RBFOX2: variants seen among roughly 807,000 people sequenced by gnomAD.
RBFOX2 encodes RNA binding fox-1 homolog 2, also known as RNA binding protein fox-1 homolog 2.
RBFOX2 carries 10 observed loss-of-function variants against 49.1 expected under a neutral mutation model. That is an observed-to-expected ratio of 0.20 (90% CI 0.13 to 0.35). The LOEUF is 0.35. Among genes scored for constraint, RBFOX2 ranks in the 10% least tolerant of loss-of-function variants. The probability of loss-of-function intolerance (pLI) is 1.00; values close to 1 mark genes in which losing one functional copy is unlikely to be tolerated. For missense variants in RBFOX2, 323 were observed against 486.9 expected (o/e 0.66, Z 3.17); for synonymous variants, 183 against 187.4 (o/e 0.98, Z 0.19).
chr22:35,876,426 C>T (rs947699527), intron 1 of RBFOX2, among the ~76,000 whole-genome samples: 2 of 151,384 alleles, frequency 1.3e-5, no homozygotes, highest in East Asian at 1.9e-4. Context: ...AAGACTATAC[C>T]GAGAAAAGGG....
intron 1 of RBFOX2, among the ~76,000 whole-genome samples, chr22:35,881,742 T>C (rs1243348774): frequency 6.6e-6 from 1 of 151,978 alleles, no homozygotes; most frequent in Non-Finnish European, 1.5e-5. Context: ...GGGTGGATCA[T>C]GAGGTCAGGA....
intron 3 of RBFOX2, among the ~76,000 whole-genome samples, chr22:35,780,371 A>AC (rs1246344858): frequency 3.3e-5 from 5 of 151,928 alleles, no homozygotes; most frequent in East Asian, 1.9e-4. Flanking sequence ...AAACAAACAA[A>AC]AAAAAAAAAC....
At chr22:35,931,316 T>TAAAAA (rs75649440) in intron 1 of RBFOX2, among the ~76,000 whole-genome samples, 17 of 135,328 alleles carry the variant, frequency 1.3e-4, no homozygotes, top group Admixed American at 2.3e-4. Flanking sequence ...CATGTTTAGT[T>TAAAAA]AAAAAAAAAA....
chr22:35,920,599 C>A (rs1406289392), intron 1 of RBFOX2, among the ~76,000 whole-genome samples: 2 of 152,134 alleles, frequency 1.3e-5, no homozygotes, highest in African/African-American at 4.8e-5. Context: ...CCACTCTGGA[C>A]AAATTGTTTA....
intron 1 of RBFOX2, among the ~76,000 whole-genome samples, chr22:36,003,678 A>G (rs909138359): frequency 6.6e-6 from 1 of 152,128 alleles, no homozygotes; most frequent in Non-Finnish European, 1.5e-5. Context: ...ACTAAGGGGG[A>G]AAAAACAAAA....
At chr22:35,999,168 T>C (rs2058309172) in intron 1 of RBFOX2, 1 of 152,136 alleles carries the variant, frequency 6.6e-6, no homozygotes, top group African/African-American at 2.4e-5. Flanking sequence ...GTGCTCATGG[T>C]AGTAACCATG....
At chr22:35,843,637 G>C (rs1055183279), upstream of RBFOX2, among the ~76,000 whole-genome samples, 2 of 152,104 alleles carry the variant, frequency 1.3e-5, no homozygotes, top group East Asian at 3.9e-4. Context: ...AACTTAAAAT[G>C]ATACCAGTCT....
At chr22:35,896,197 T>C (rs1327488262) in intron 1 of RBFOX2, among the ~76,000 whole-genome samples, 1 of 152,164 alleles carries the variant, frequency 6.6e-6, no homozygotes, top group Non-Finnish European at 1.5e-5. Context: ...AGTATTCCTA[T>C]AGCAAACCAC....
intron 1 of RBFOX2, among the ~76,000 whole-genome samples, chr22:35,891,805 G>T (rs891092008): frequency 6.6e-6 from 1 of 151,226 alleles, no homozygotes; most frequent in Non-Finnish European, 1.5e-5. Flanking sequence ...GGCGAGAGAG[G>T]GAAAATAAAT....
chr22:35,874,650 A>T (rs191129774), intron 1 of RBFOX2, among the ~76,000 whole-genome samples: 22 of 152,368 alleles, frequency 1.4e-4, no homozygotes, highest in Middle Eastern at 3.4e-3. Context: ...TGGGTTCAAC[A>T]TCTCTGTTTT....
At chr22:35,928,090 C>T (rs1569494743) in intron 1 of RBFOX2, among the ~76,000 whole-genome samples, 1 of 152,098 alleles carries the variant, frequency 6.6e-6, no homozygotes, top group Non-Finnish European at 1.5e-5. Context: ...AATACTGTAA[C>T]AACCTTTCAT....
chr22:35,809,886 T>C (rs750779714), exon 2 of RBFOX2: 1 of 1,613,912 alleles, frequency 6.2e-7, no homozygotes, highest in African/African-American at 1.3e-5. Flanking sequence ...GCCGGCATAG[T>C]CTTGAGTGTG....
chr22:35,987,238 T>C (rs2057762885), intron 1 of RBFOX2, among the ~76,000 whole-genome samples: 1 of 152,198 alleles, frequency 6.6e-6, no homozygotes, highest in Non-Finnish European at 1.5e-5. Context: ...AATACTAAAA[T>C]TGTGTTTGTA....
intron 6 of RBFOX2, among the ~76,000 whole-genome samples, chr22:35,761,824 G>T (rs768987729): frequency 6.6e-6 from 1 of 152,190 alleles, no homozygotes; most frequent in Admixed American, 6.5e-5. Flanking sequence ...AAAGAAGGCC[G>T]ACTATATGTC....
In RBFOX2 at chr22:35,746,347, C is replaced by T. The variant is rs902546505; in HGVS notation, c.976+126G>A. 5.6e-6 allele frequency: 5 copies of T among 889,770 alleles called. No individual in the cohort carries two copies. In the African/African-American group the frequency reaches 6.7e-5, roughly 12 times the overall value. 55.1% of individuals were successfully genotyped at this position (889,770 alleles called of 1,614,324 possible). On this transcript the variant is annotated intron_variant, in intron 10 of 11. Coordinates refer to ENST00000405409, the Ensembl canonical transcript of RBFOX2. The stretch of plus-strand genomic sequence containing the variant: ...GCCATCAAGAGGTCTGCAGAAAGCC[C>T]AGGCTGGCAAGATGCCCGATGTGCT...
chr22:35,985,882 A>G (rs762539203), intron 1 of RBFOX2, among the ~76,000 whole-genome samples: 1 of 137,896 alleles, frequency 7.3e-6, no homozygotes, highest in Non-Finnish European at 1.5e-5. Context: ...CTCCATCTCT[A>G]GATAGATAGA....
chr22:35,798,807 C>G (rs1949254276), intron 2 of RBFOX2, among the ~76,000 whole-genome samples: 1 of 152,012 alleles, frequency 6.6e-6, no homozygotes, highest in South Asian at 2.1e-4. Context: ...TCCTAATTAT[C>G]CAGTTAGGAA....
At chr22:36,014,022 T>C (rs888321044) in intron 1 of RBFOX2, among the ~76,000 whole-genome samples, 3 of 152,046 alleles carry the variant, frequency 2.0e-5, no homozygotes, top group Non-Finnish European at 4.4e-5. Flanking sequence ...TGTAGTGTGA[T>C]AGGTTTTTTT....
intron 1 of RBFOX2, among the ~76,000 whole-genome samples, chr22:35,978,408 G>C (rs571612777): frequency 6.6e-6 from 1 of 152,092 alleles, no homozygotes; most frequent in South Asian, 2.1e-4. Context: ...ACAATTTCTA[G>C]CTGTTTGCTG....
Sources: gnomAD v4.1 joint callset for allele counts (sites outside exome capture counted in the v4.1 genomes callset) on GRCh38, gnomAD v4.1.1 for gene constraint, MANE v1.5 for transcripts, NCBI Gene and HGNC (gene_info 2026-07-23, HGNC 2026-07-21) for gene names.